The following STX8 variants were observed in gnomAD, a reference collection of about 807,000 sequenced individuals.
STX8 encodes syntaxin-8.
In STX8, 23 loss-of-function variants were observed where a neutral mutation model predicts 37.5. That is an observed-to-expected ratio of 0.61 (90% CI 0.44 to 0.87). The LOEUF is 0.87. Ranked by LOEUF, STX8 falls within the 40% of genes least tolerant of loss-of-function variation. The pLI is 0.00. For missense variants in STX8, 313 were observed against 284.7 expected (o/e 1.10, Z -0.71); for synonymous variants, 115 against 99.1 (o/e 1.16, Z -0.95).
chr17:9,542,679 A>AAAAT (rs375475612), intron 4 of STX8, among the ~76,000 whole-genome samples: 12,684 of 151,092 alleles, frequency 0.084, 775 homozygotes, highest in African/African-American at 0.17. Context: ...TCCATCTCAA[A>AAAAT]AAATAAATAA....
intron 7 of STX8, among the ~76,000 whole-genome samples, chr17:9,361,231 C>A (rs1911052238): frequency 6.6e-6 from 1 of 152,174 alleles, no homozygotes; most frequent in African/African-American, 2.4e-5. Context: ...AATGCAACAT[C>A]TGGAGTTAAG....
At chr17:9,432,287 C>A (rs762043204) in intron 6 of STX8, among the ~76,000 whole-genome samples, 14 of 152,192 alleles carry the variant, frequency 9.2e-5, no homozygotes, top group Non-Finnish European at 1.9e-4. Flanking sequence ...AGTATAAGCT[C>A]CTCACATACG....
chr17:9,270,243 T>A (rs1419138152), intron 7 of STX8, among the ~76,000 whole-genome samples: 2 of 152,174 alleles, frequency 1.3e-5, no homozygotes, highest in African/African-American at 4.8e-5. Context: ...TCAAAGGACT[T>A]TCTTTTTTCT....
intron 7 of STX8, among the ~76,000 whole-genome samples, chr17:9,259,084 A>AG (rs1906913228): frequency 6.6e-6 from 1 of 152,194 alleles, no homozygotes; most frequent in Non-Finnish European, 1.5e-5. Context: ...GTGCGGTGGA[A>AG]GGGGTACTGA....
intron 6 of STX8, among the ~76,000 whole-genome samples, chr17:9,412,530 C>T (rs576037175): frequency 2.0e-5 from 3 of 152,162 alleles, no homozygotes; most frequent in Non-Finnish European, 4.4e-5. Flanking sequence ...CCGCCCATCT[C>T]GGCCTCCCAA....
In STX8 at chr17:9,428,754, G is replaced by C. The variant is rs535094970; in HGVS notation, c.542-50101C>G. Reference sequence around the variant, plus strand: ...ATAGAAATTATTGGCAAGATATTTTGAATCTTTTTTTCTGGCACCATATCT... The same window carrying C: ...ATAGAAATTATTGGCAAGATATTTTCAATCTTTTTTTCTGGCACCATATCT... On this transcript the variant is annotated intron_variant, in intron 6 of 7. Transcript: ENST00000306357. Among the ~76,000 whole-genome samples the C allele has an allele frequency of 3.9e-4, 60 of 152,218 alleles. No homozygotes were observed. In the South Asian group the frequency reaches 5.0e-3, roughly 13 times the overall value.
At chr17:9,556,884 C>T (rs1907002870) in intron 3 of STX8, 1 of 150,618 alleles carries the variant, frequency 6.6e-6, no homozygotes, top group African/African-American at 2.5e-5. Flanking sequence ...CATCCCACCC[C>T]TTCCCCTCAC....
At chr17:9,562,169 T>A (rs900125771) in intron 2 of STX8, among the ~76,000 whole-genome samples, 2 of 151,508 alleles carry the variant, frequency 1.3e-5, no homozygotes, top group Non-Finnish European at 2.9e-5. Context: ...TTTGGGAGGC[T>A]GAGGCAGGCG....
chr17:9,293,470 CT>C (rs111288273), intron 7 of STX8, among the ~76,000 whole-genome samples: 28,669 of 144,664 alleles, frequency 0.2, 2,834 homozygotes, highest in Non-Finnish European at 0.23. Context: ...ATTTTAGAGA[CT>C]TTTTTTTTTT....
intron 7 of STX8, among the ~76,000 whole-genome samples, chr17:9,362,840 A>AAAAAAAATAAAT (rs1555601151): frequency 1.7e-5 from 2 of 115,444 alleles, no homozygotes; most frequent in African/African-American, 6.0e-5. Flanking sequence ...AAAAAAAAAA[A>AAAAAAAATAAAT]AAATAAATAA....
intron 4 of STX8, among the ~76,000 whole-genome samples, chr17:9,520,806 C>T (rs1905313179): frequency 6.6e-6 from 1 of 152,120 alleles, no homozygotes; most frequent in Admixed American, 6.6e-5. Flanking sequence ...CAGTGAATTC[C>T]AAGAAGTAGC....
At chr17:9,259,646 C>G (rs1435363967) in intron 7 of STX8, among the ~76,000 whole-genome samples, 1 of 152,130 alleles carries the variant, frequency 6.6e-6, no homozygotes, top group South Asian at 2.1e-4. Flanking sequence ...GGTCAGCAGG[C>G]AGGCAGAACA....
chr17:9,517,788 TAAAAAAA>T (rs11318149), intron 4 of STX8, among the ~76,000 whole-genome samples: 2 of 98,734 alleles, frequency 2.0e-5, no homozygotes, highest in South Asian at 4.0e-4. Flanking sequence ...ACCCCTATTG[TAAAAAAA>T]AAAAAAAAAA....
At chr17:9,505,308 A>G in intron 4 of STX8, 146 bp from the exon 5 acceptor site, 1 of 905,198 alleles carries the variant, frequency 1.1e-6, no homozygotes, top group South Asian at 1.9e-5. Context: ...TTATGCCAGG[A>G]ACTGTATTCA....
chr17:9,460,135 G>A (rs552795765), intron 6 of STX8, among the ~76,000 whole-genome samples: 1 of 152,252 alleles, frequency 6.6e-6, no homozygotes, highest in South Asian at 2.1e-4. Context: ...TTGCAGTTGA[G>A]TATACATCTT....
chr17:9,484,941 A>G (rs944987535), intron 6 of STX8, among the ~76,000 whole-genome samples: 3 of 152,176 alleles, frequency 2.0e-5, no homozygotes, highest in Non-Finnish European at 2.9e-5. Flanking sequence ...CAATGACTAG[A>G]TCATTGAGAA....
chr17:9,297,413 C>T (rs548283570), intron 7 of STX8, among the ~76,000 whole-genome samples: 10 of 152,250 alleles, frequency 6.6e-5, no homozygotes, highest in Non-Finnish European at 1.5e-4. Context: ...GCCAAGGAAG[C>T]TTAGAGTCAG....
chr17:9,476,636 A>G (rs1906117097), intron 6 of STX8, among the ~76,000 whole-genome samples: 1 of 151,904 alleles, frequency 6.6e-6, no homozygotes, highest in South Asian at 2.1e-4. Context: ...TATTTTTAGT[A>G]GAGATGGGGT....
At chr17:9,559,754 A>ATTTTT (rs1261471068) in intron 2 of STX8, among the ~76,000 whole-genome samples, 64 of 33,526 alleles carry the variant, frequency 1.9e-3, no homozygotes, top group African/African-American at 8.6e-3. Context: ...ATATATATAT[A>ATTTTT]TATATATTTT....
Sources: allele counts gnomAD v4.1 joint callset (sites outside exome capture counted in the v4.1 genomes callset), GRCh38; gene constraint gnomAD v4.1.1; transcripts MANE v1.5; gene names NCBI Gene and HGNC (gene_info 2026-07-23, HGNC 2026-07-21).